DVL1: variants seen among roughly 807,000 people sequenced by gnomAD.
DVL1 encodes segment polarity protein dishevelled homolog DVL-1.
DVL1 carries 49 observed loss-of-function variants against 65.0 expected under a neutral mutation model. The observed-to-expected ratio is 0.75, with a 90% CI of 0.60 to 0.96. The LOEUF (loss-of-function observed/expected upper bound fraction) is 0.96, where lower values mean the gene tolerates loss of function less well. Ranked by LOEUF, DVL1 falls within the 40% of genes least tolerant of loss-of-function variation. The pLI, the probability that DVL1 is intolerant of heterozygous loss-of-function variation, is 0.00. For synonymous variants in DVL1, 608 were observed against 433.9 expected, an observed-to-expected ratio of 1.40 and a Z score of -4.99; for missense variants, 1,197 against 1,045.4, an observed-to-expected ratio of 1.15 and a Z score of -2.00.
Position 1,339,517 on chromosome 1 carries a change from G to C in DVL1, c.1054+65C>G, listed in dbSNP as rs566701872. 871 of 1,553,602 alleles carry C rather than the reference G, an allele frequency of 5.6e-4. 3 individuals carry two copies. In the African/African-American group the frequency reaches 0.011, roughly 19 times the overall value. Reference sequence around the variant, plus strand: ...GGCAGGGTGCAGGGCACAGAGGAGAGAGGCCTTCAGGCTAGGTAGGCGCCC... The same window carrying C: ...GGCAGGGTGCAGGGCACAGAGGAGACAGGCCTTCAGGCTAGGTAGGCGCCC... On this transcript the variant is annotated intron_variant, in intron 10 of 14. Transcript: ENST00000378888.
Position 1,336,243 on chromosome 1 carries a change from C to T in DVL1, c.1987G>A (p.Val663Ile). 7 of 1,558,944 alleles carry T rather than the reference C, an allele frequency of 4.5e-6. No homozygotes were observed. The highest frequency in any genetic ancestry group is 6.0e-6 in the Non-Finnish European group (7 of 1,157,940). Residue 663 changes from valine (V) to isoleucine (I), a missense_variant, in exon 15 of 15, where the codon GTC becomes ATC. Coordinates refer to ENST00000378888, the MANE Select transcript of DVL1 (RefSeq NM_001330311.2). ...GGGGGGACGGCAGCCAGCTCCCGGA[C>T]AGGGGGTCCCCCGGGTGGCCCCCCC... ...VVGGPPGGPPVRELAAVPPEL... is the reference protein window; with the variant it reads ...VVGGPPGGPPIRELAAVPPEL...
chr1:1,339,376 G>T lies in DVL1; in HGVS notation c.1118C>A (p.Ala373Asp), dbSNP rs1470701172. The change falls in exon 11 of 15, where the codon GCC becomes GAC. Residue 373 changes from alanine to aspartate, a missense_variant. By Grantham distance (126) the Ala-to-Asp change is moderately radical. Transcript: ENST00000378888. ...WLSHTAALTG[A>D]LPRYGTSPCS... ...GGGACTCGTACCGTAGCGGGGCAGGGCTCCTGTCAGTGCCGCCGTGTGGGA... is the reference window on the plus strand; with the variant it reads ...GGGACTCGTACCGTAGCGGGGCAGGTCTCCTGTCAGTGCCGCCGTGTGGGA... 1 of 1,548,964 alleles carries T rather than the reference G, an allele frequency of 6.5e-7. No individual in the cohort carries two copies. Among genetic ancestry groups the T allele is most frequent in the Admixed American group, 2.0e-5 (1 of 51,000 alleles).
In DVL1 at chr1:1,335,436, G is replaced by A. The variant is rs1174168234; in HGVS notation, c.*706C>T. The stretch of plus-strand genomic sequence containing the variant: ...AGGAAGGCCGCGATGTGTGCGCGCA[G>A]TGTGTGCACTCACCAAGGACGGGCC... On this transcript the variant is annotated 3_prime_UTR_variant, in exon 15 of 15. Coordinates refer to ENST00000378888, the MANE Select transcript of DVL1 (RefSeq NM_001330311.2). The A allele has an allele frequency of 1.3e-5, 2 of 153,676 alleles. No homozygotes were observed. Among genetic ancestry groups the A allele is most frequent in the African/African-American group, 4.8e-5 (2 of 41,474 alleles). The allele number at this position is 153,676 out of a possible 1,614,324, so 9.5% of individuals were successfully genotyped here.
chr1:1,337,869 G>A (rs1358634488), intron 14 of DVL1, 108 bp downstream of exon 14: 2 of 850,224 alleles, frequency 2.4e-6, no homozygotes, highest in Non-Finnish European at 3.8e-6. Context: ...GGTGGAGCTG[G>A]GGGTGGAGCA....
rs1287882535 is a variant in DVL1, at chr1:1,340,184, G to A, written c.770-7C>T. 71 of 1,613,554 alleles carry A rather than the reference G, an allele frequency of 4.4e-5. No individual in the cohort carries two copies. The Admixed American group carries it at 1.2e-3, about 26-fold the overall frequency. On this transcript the variant is annotated splice_polypyrimidine_tract_variant and splice_region_variant and intron_variant, in intron 7 of 14. Coordinates refer to ENST00000378888, the MANE Select transcript of DVL1 (RefSeq NM_001330311.2). Reference sequence around the variant, plus strand: ...CCCAGAAAGTGATGTCTTTCTGCAGGAAGAGCCATGAGCCGCGGCCAAGCC... The same window carrying A: ...CCCAGAAAGTGATGTCTTTCTGCAGAAAGAGCCATGAGCCGCGGCCAAGCC...
rs756494911 is a variant in DVL1 at position 1,338,129 on chromosome 1, G to C, written c.1562C>G (p.Thr521Arg). 6.2e-7 allele frequency: 1 copy of C among 1,609,350 alleles called. No individual in the cohort carries two copies. The highest frequency in any genetic ancestry group is 2.2e-5 in the East Asian group (1 of 44,830). Residue 521 changes from threonine (T) to arginine (R), a missense_variant, in exon 14 of 15, where the codon ACG becomes AGG. By Grantham distance (71) the Thr-to-Arg change is moderately conservative. Transcript: ENST00000378888. ...AGCCGGGTGGGGCAGCGGGGCCAGC[G>C]TGTCCTGATCCGAAGTCCCACTGGA... Reference protein sequence around the residue: ...SGSSGTSDQDTLAPLPHPAAP... With the variant: ...SGSSGTSDQDRLAPLPHPAAP...
rs775845636 is a variant in DVL1 at position 1,341,773 on chromosome 1, G to T, written c.499C>A (p.Arg167=). The T allele has an allele frequency of 2.5e-6, 4 of 1,602,196 alleles. No individual in the cohort carries two copies. Among genetic ancestry groups the T allele is most frequent in the Admixed American group, 1.7e-5 (1 of 58,912 alleles). The change falls in exon 5 of 15, where the codon CGA becomes AGA. Residue 167 remains arginine, a synonymous_variant. Coordinates refer to ENST00000378888, the MANE Select transcript of DVL1 (RefSeq NM_001330311.2). ...GGGGGCAGCCCCACATCCCGCCGTC[G>T]GTCTCCCCTTGGGTGCCCATTGGTC... The part of the protein sequence containing the change: ...ARTNGHPRGD[R]RRDVGLPPDS...
chr1:1,348,128 G>A (rs574479149), intron 1 of DVL1, among the ~76,000 whole-genome samples: 1 of 152,180 alleles, frequency 6.6e-6, no homozygotes, highest in Admixed American at 6.5e-5. Flanking sequence ...TGGTGGCTGG[G>A]CCGGGCCAGG....
Position 1,338,284 on chromosome 1 carries a change from C to A in DVL1, c.1492G>T (p.Gly498Trp), listed in dbSNP as rs775086322. 4.3e-6 allele frequency: 7 copies of A among 1,611,454 alleles called. No individual in the cohort carries two copies. Among genetic ancestry groups the A allele is most frequent in the South Asian group, 1.1e-5 (1 of 90,924 alleles). ...CCCCACTCACTGCTGCAGAGATCCCCGAAGACGTAGTAGCACTGCTCGGAG... is the reference window on the plus strand; with the variant it reads ...CCCCACTCACTGCTGCAGAGATCCCAGAAGACGTAGTAGCACTGCTCGGAG... ...TFSEQCYYVF[G>W]DLCSNLATLN... The change falls in exon 13 of 15, where the codon GGG becomes TGG. Residue 498 changes from glycine (G) to tryptophan (W), a missense_variant. Physicochemically the swap from Gly to Trp is radical, Grantham distance 184. Coordinates refer to ENST00000378888, the MANE Select transcript of DVL1 (RefSeq NM_001330311.2).
At chr1:1,341,205 GCACACA>G (rs766939943) in intron 5 of DVL1, among the ~76,000 whole-genome samples, 20 of 150,166 alleles carry the variant, frequency 1.3e-4, no homozygotes, top group East Asian at 5.9e-4. Context: ...ACGCACACCT[GCACACA>G]CGCACACGCA....
In DVL1 at chr1:1,338,031, G is replaced by T. The variant is rs780744557; in HGVS notation, c.1660C>A (p.Gln554Lys). 8 of 1,611,952 alleles carry T rather than the reference G, an allele frequency of 5.0e-6. No homozygotes were observed. In the African/African-American group the frequency reaches 8.0e-5, roughly 16 times the overall value. Residue 554 changes from glutamine (Q) to lysine (K), a missense_variant, in exon 14 of 15, where the codon CAG becomes AAG. Transcript: ENST00000378888. ...CTGCCATAGCTAAAGCCCGGGTCCT[G>T]GTAGGCAGGCGGGAAGCAGGGTGGG... ...GPPPCFPPAY[Q>K]DPGFSYGSGS...
rs1405422599 is a variant in DVL1, at chr1:1,343,683, C to A, written c.171-925G>T. On this transcript the variant is annotated intron_variant, in intron 1 of 14. Transcript: ENST00000378888. The stretch of plus-strand genomic sequence containing the variant: ...CCTGCCCTGCACCCCTAGTCAGGCT[C>A]ACAGTCCACCTACAAGGACTCTCAG... Among the ~76,000 whole-genome samples the A allele has an allele frequency of 3.9e-5, 6 of 152,250 alleles. No individual in the cohort carries two copies. The East Asian group carries it at 1.2e-3, about 29-fold the overall frequency.
Position 1,342,345 on chromosome 1 carries a change from C to T in DVL1, c.362+18G>A, listed in dbSNP as rs200762957. 14 of 1,556,812 alleles carry T rather than the reference C, an allele frequency of 9.0e-6. No individual in the cohort carries two copies. The highest frequency in any genetic ancestry group is 1.4e-5 in the African/African-American group (1 of 73,806). On this transcript the variant is annotated intron_variant, in intron 3 of 14. Transcript: ENST00000378888. ...ACAGGCTTGGGGTAGCAGGGCCCAGCGCCCACGGTGTCCTTACTGGAAGGA... is the reference window on the plus strand; with the variant it reads ...ACAGGCTTGGGGTAGCAGGGCCCAGTGCCCACGGTGTCCTTACTGGAAGGA...
chr1:1,341,083 GCA>G (rs1210541144), intron 5 of DVL1, among the ~76,000 whole-genome samples: 3 of 137,652 alleles, frequency 2.2e-5, no homozygotes, highest in East Asian at 2.3e-4. Flanking sequence ...ACGCACCCCT[GCA>G]CACAGGCACA....
rs1340175328 is a variant in DVL1, at chr1:1,341,694, T to G, written c.578A>C (p.Asp193Ala). The change falls in exon 5 of 15, where the codon GAC becomes GCC. Residue 193 changes from aspartate (D) to alanine (A), a missense_variant. Physicochemically the swap from Asp to Ala is moderately radical, Grantham distance 126. Transcript: ENST00000378888. ...GCTCGTGCTGCCATCCTCGTCCGAG[T>G]CCACAAAGCTGCTGGACTCAAGCTC... ...SSELESSSFV[D>A]SDEDGSTSRL... 6.2e-7 allele frequency: 1 copy of G among 1,608,832 alleles called. No homozygotes were observed. Among genetic ancestry groups the G allele is most frequent in the Non-Finnish European group, 8.5e-7 (1 of 1,176,686 alleles).
Position 1,348,980 on chromosome 1 carries a change from G to A in DVL1, c.86C>T (p.Thr29Met). Residue 29 changes from threonine (T) to methionine (M), a missense_variant, in exon 1 of 15, where the codon ACG becomes ATG. Thr to Met is a moderately conservative substitution (Grantham distance 81). Transcript: ENST00000378888. ...VKLPVAPERV[T>M]LADFKNVLSN... ...GAGCACGTTCTTGAAGTCGGCCAGC[G>A]TGACGCGCTCGGGGGCCACGGGCAG... 6.3e-7 allele frequency: 1 copy of A among 1,577,344 alleles called. No homozygotes were observed. Among genetic ancestry groups the A allele is most frequent in the South Asian group, 1.1e-5 (1 of 89,900 alleles).
chr1:1,344,715 G>C (rs1569736617), intron 1 of DVL1, among the ~76,000 whole-genome samples: 1 of 152,314 alleles, frequency 6.6e-6, no homozygotes, highest in East Asian at 1.9e-4. Context: ...GGCCGCCACA[G>C]TGAGAGGCTG....
chr1:1,341,866 C>A, intron 4 of DVL1, 61 bp from the exon 5 acceptor site: 1 of 1,505,370 alleles, frequency 6.6e-7, no homozygotes, highest in Non-Finnish European at 8.9e-7. Flanking sequence ...GGGTTTGGGG[C>A]TGCCTGGGCA....
At position 1,337,984 on chromosome 1, in the gene DVL1, C is replaced by G. The variant is rs1385995750; in HGVS notation, c.1707G>C (p.Gln569His). Residue 569 changes from glutamine to histidine, a missense_variant, in exon 14 of 15, where the codon CAG (glutamine) becomes CAC (histidine). Coordinates refer to ENST00000378888, the MANE Select transcript of DVL1 (RefSeq NM_001330311.2). Reference sequence around the variant, plus strand: ...TAGGGGCGGCGTTCTCACCTTCACTCTGCTGACTCCCGGTGCTGCCGCTGC... The same window carrying G: ...TAGGGGCGGCGTTCTCACCTTCACTGTGCTGACTCCCGGTGCTGCCGCTGC... ...SYGSGSTGSQQSEGSKSSGST... is the reference protein window; with the variant it reads ...SYGSGSTGSQHSEGSKSSGST... The G allele has an allele frequency of 2.5e-6, 4 of 1,611,258 alleles. No individual in the cohort carries two copies. The highest frequency in any genetic ancestry group is 2.7e-5 in the African/African-American group (2 of 74,988).
Sources: allele counts gnomAD v4.1 joint callset (sites outside exome capture counted in the v4.1 genomes callset), GRCh38; gene constraint gnomAD v4.1.1; transcripts MANE v1.5; gene names NCBI Gene and HGNC (gene_info 2026-07-23, HGNC 2026-07-21).